CALCRL: variants seen among roughly 807,000 people sequenced by gnomAD.
CALCRL encodes the protein calcitonin gene-related peptide type 1 receptor.
A neutral mutation model predicts 60.4 loss-of-function variants in CALCRL; 27 were observed. The ratio of observed to expected loss-of-function variants is 0.45; its 90% CI spans 0.33 to 0.62. CALCRL has a LOEUF of 0.62. CALCRL is among the 20% of genes least tolerant of loss of function. CALCRL has a pLI of 0.03. For synonymous variants in CALCRL, 190 were observed against 182.6 expected (o/e 1.04, Z -0.33); for missense variants, 424 against 540.7 (o/e 0.78, Z 2.14).
At position 187,425,160 on chromosome 2, in the gene CALCRL, T is replaced by G. The variant is rs1411110714; in HGVS notation, c.-293+22879A>C. Among the ~76,000 whole-genome samples the G allele has an allele frequency of 1.3e-5, 2 of 152,010 alleles. 1 individual carries two copies. The highest frequency in any genetic ancestry group is 4.8e-5 in the African/African-American group (2 of 41,542). On this transcript the variant is annotated intron_variant, in intron 1 of 14. Transcript: ENST00000392370. ...TTCAGATACTCTCTATTTAACTGAT[T>G]GCTTGTTTCAAAGGTCAATTCATTT...
intron 1 of CALCRL, among the ~76,000 whole-genome samples, chr2:187,418,623 C>G (rs1689723254): frequency 6.6e-6 from 1 of 152,006 alleles, no homozygotes; most frequent in African/African-American, 2.4e-5. Flanking sequence ...TAAGACAGCT[C>G]ATAGTAGACA....
chr2:187,354,796 C>T (rs1380432915), intron 12 of CALCRL, among the ~76,000 whole-genome samples: 2 of 151,996 alleles, frequency 1.3e-5, no homozygotes, highest in Admixed American at 1.3e-4. Context: ...TTTACATGAA[C>T]AGATGTTTCC....
At chr2:187,353,960 T>C (rs1268399349) in intron 12 of CALCRL, among the ~76,000 whole-genome samples, 2 of 152,016 alleles carry the variant, frequency 1.3e-5, no homozygotes, top group Non-Finnish European at 2.9e-5. Flanking sequence ...ATAGAGTTTA[T>C]TCTATTAGCT....
chr2:187,441,739 G>GA (rs1313835813), intron 1 of CALCRL, among the ~76,000 whole-genome samples: 2 of 151,824 alleles, frequency 1.3e-5, no homozygotes, highest in Non-Finnish European at 2.9e-5. Flanking sequence ...AATTTGTTTA[G>GA]AAAAAGAGCA....
At chr2:187,435,340 C>T (rs1462620850) in intron 1 of CALCRL, among the ~76,000 whole-genome samples, 1 of 152,106 alleles carries the variant, frequency 6.6e-6, no homozygotes, top group African/African-American at 2.4e-5. Context: ...TTTCAAACAA[C>T]CAGACTTTGT....
intron 1 of CALCRL, among the ~76,000 whole-genome samples, chr2:187,446,060 T>C (rs969312812): frequency 6.6e-6 from 1 of 151,668 alleles, no homozygotes; most frequent in Non-Finnish European, 1.5e-5. Flanking sequence ...ACATTATCTC[T>C]TTAAGAAATA....
At chr2:187,397,374 C>T (rs1688706694) in intron 1 of CALCRL, among the ~76,000 whole-genome samples, 1 of 151,300 alleles carries the variant, frequency 6.6e-6, no homozygotes, top group South Asian at 2.1e-4. Flanking sequence ...GATAGGATAT[C>T]AATCTAGTTA....
chr2:187,440,319 C>A (rs6731106), intron 1 of CALCRL, among the ~76,000 whole-genome samples: 6,097 of 152,118 alleles, frequency 0.04, 182 homozygotes, highest in South Asian at 0.12. Flanking sequence ...GTAGGACAAG[C>A]CTTGAAGTCT....
In CALCRL at chr2:187,371,298, C is replaced by T. The variant is rs150845141; in HGVS notation, c.500+7642G>A. On this transcript the variant is annotated intron_variant, in intron 8 of 14. Transcript: ENST00000392370. ...AATGTAAAGCCTGGGATACAGACCGCAGAATAGGCTATATCTCAGGACCAT... is the reference window on the plus strand; with the variant it reads ...AATGTAAAGCCTGGGATACAGACCGTAGAATAGGCTATATCTCAGGACCAT... Among the ~76,000 whole-genome samples the T allele has an allele frequency of 1.4e-4, 21 of 151,380 alleles. No individual in the cohort carries two copies. The East Asian group carries it at 4.1e-3, about 29-fold the overall frequency.
chr2:187,397,494 C>T (rs1688711288), intron 1 of CALCRL, among the ~76,000 whole-genome samples: 1 of 151,220 alleles, frequency 6.6e-6, no homozygotes, highest in South Asian at 2.1e-4. Context: ...TAATGCTAAG[C>T]CAATTAAAAA....
chr2:187,419,723 A>G (rs1689787146), intron 1 of CALCRL, among the ~76,000 whole-genome samples: 1 of 152,218 alleles, frequency 6.6e-6, no homozygotes, highest in Non-Finnish European at 1.5e-5. Context: ...TTTGCAGAAG[A>G]GCAACTTATG....
At chr2:187,429,498 G>A (rs551231365) in intron 1 of CALCRL, among the ~76,000 whole-genome samples, 3 of 152,276 alleles carry the variant, frequency 2.0e-5, no homozygotes, top group Non-Finnish European at 4.4e-5. Flanking sequence ...CACGGCAGTG[G>A]TAGATGAGCT....
intron 8 of CALCRL, among the ~76,000 whole-genome samples, chr2:187,378,103 A>AG (rs1263164708): frequency 6.6e-6 from 1 of 151,788 alleles, no homozygotes; most frequent in Non-Finnish European, 1.5e-5. Flanking sequence ...AAGGAGGAGG[A>AG]GGAGGAAAAA....
intron 14 of CALCRL, among the ~76,000 whole-genome samples, chr2:187,350,464 CTCTTG>C (rs1418593039): frequency 1.5e-4 from 22 of 151,344 alleles, no homozygotes; most frequent in East Asian, 7.8e-4. Flanking sequence ...GAAAAAGTTG[CTCTTG>C]TCTTCTGTAT....
chr2:187,374,933 G>A (rs1478588475), intron 8 of CALCRL, among the ~76,000 whole-genome samples: 2 of 152,092 alleles, frequency 1.3e-5, no homozygotes, highest in Non-Finnish European at 1.5e-5. Flanking sequence ...GTGATGACAA[G>A]TTTGGAATAC....
intron 1 of CALCRL, among the ~76,000 whole-genome samples, chr2:187,443,435 G>A (rs1294814000): frequency 1.3e-5 from 2 of 151,642 alleles, no homozygotes; most frequent in Non-Finnish European, 3.0e-5. Flanking sequence ...TCCACTTTAT[G>A]GATGAGAAAG....
chr2:187,379,128 A>G (rs1405187293), intron 7 of CALCRL, 97 bp from the exon 8 acceptor site: 26 of 646,664 alleles, frequency 4.0e-5, no homozygotes, highest in Admixed American at 6.9e-5. Flanking sequence ...TGAATAAACT[A>G]TATTTTTAGA....
chr2:187,362,689 A>T (rs1304748850), intron 9 of CALCRL, among the ~76,000 whole-genome samples: 3 of 152,064 alleles, frequency 2.0e-5, no homozygotes, highest in Non-Finnish European at 2.9e-5. Flanking sequence ...AACATTTTAC[A>T]TATGCATATA....
intron 1 of CALCRL, among the ~76,000 whole-genome samples, chr2:187,420,213 AAAG>A (rs1312293218): frequency 2.6e-5 from 4 of 152,184 alleles, no homozygotes; most frequent in Non-Finnish European, 2.9e-5. Context: ...AGTATCTTTA[AAAG>A]AGAGGTTTCT....
Sources: gnomAD v4.1 joint callset for allele counts (sites outside exome capture counted in the v4.1 genomes callset) on GRCh38, gnomAD v4.1.1 for gene constraint, MANE v1.5 for transcripts, NCBI Gene and HGNC (gene_info 2026-07-23, HGNC 2026-07-21) for gene names.